FARP2: variants seen among roughly 807,000 people sequenced by gnomAD.
FARP2 encodes the protein FERM, ARHGEF and pleckstrin domain-containing protein 2.
A neutral mutation model predicts 130.5 loss-of-function variants in FARP2; 111 were observed. That is an observed-to-expected ratio of 0.85 (90% CI 0.73 to 1.00). FARP2 has a LOEUF of 1.00. FARP2 is among the 50% of genes least tolerant of loss of function. The probability of loss-of-function intolerance (pLI) is 0.00; values close to 1 mark genes in which losing one functional copy is unlikely to be tolerated. For missense variants in FARP2, 1,385 were observed against 1,346.3 expected (o/e 1.03, Z -0.45); for synonymous variants, 504 against 516.9 (o/e 0.98, Z 0.34).
chr2:241,415,756 G>A (rs1559748717), intron 7 of FARP2, among the ~76,000 whole-genome samples: 1 of 152,318 alleles, frequency 6.6e-6, no homozygotes, highest in African/African-American at 2.4e-5. Context: ...TAGGATAGTG[G>A]CCACAGCCTC....
At chr2:241,379,092 A>G (rs1170801125) in intron 2 of FARP2, among the ~76,000 whole-genome samples, 1 of 152,214 alleles carries the variant, frequency 6.6e-6, no homozygotes, top group African/African-American at 2.4e-5. Flanking sequence ...AAAAGTGTCT[A>G]ACTCCATTGC....
At position 241,417,962 on chromosome 2, in the gene FARP2, G is replaced by A. The variant is rs771633768; in HGVS notation, c.624G>A (p.Val208=). 1.1e-5 allele frequency: 18 copies of A among 1,613,310 alleles called. No homozygotes were observed. In the African/African-American group the frequency reaches 1.6e-4, roughly 14 times the overall value. ...ATGATTCTACCATTTTTTATTACAG[G>A]GGCCAGACACCTGCTGAGTCGGATT... ...EKILEFHQKH[V]GQTPAESDFQ... Residue 208 remains valine, a splice_region_variant and synonymous_variant, in exon 8 of 27, where the codon GTG becomes GTA. Transcript: ENST00000264042.
intron 2 of FARP2, among the ~76,000 whole-genome samples, chr2:241,377,997 C>T (rs1175492192): frequency 1.3e-5 from 2 of 152,218 alleles, no homozygotes; most frequent in Non-Finnish European, 2.9e-5. Flanking sequence ...CCAATTTCTC[C>T]ACATATTTGC....
rs1373449807 is a variant in FARP2, at chr2:241,466,696, C to A, written c.1894-1444C>A. 6.2e-5 allele frequency: 42 copies of A among 676,806 alleles called. 2 individuals are homozygous for A. The highest frequency in any genetic ancestry group is 7.2e-4 in the Middle Eastern group (1 of 1,384). The allele number at this position is 676,806 out of a possible 1,614,324, so 41.9% of individuals were successfully genotyped here. A position where few individuals can be genotyped will look rare whatever the true frequency, so the allele number is the denominator to read the frequency against. ...TTCACTCCCCTTCCAACCACCCCCC[C>A]CCCCACCACCACCACCCGTACCCTC... is the stretch of plus-strand genomic sequence containing the variant. On this transcript the variant is annotated intron_variant, in intron 17 of 26. Coordinates refer to ENST00000264042, the MANE Select transcript of FARP2 (RefSeq NM_014808.4).
chr2:241,367,984 G>A (rs2061350925), intron 1 of FARP2, among the ~76,000 whole-genome samples: 3 of 151,670 alleles, frequency 2.0e-5, no homozygotes, highest in African/African-American at 7.3e-5. Context: ...CATACACACA[G>A]CATCCCCTAC....
chr2:241,364,842 C>G (rs2061268639), intron 1 of FARP2, among the ~76,000 whole-genome samples: 1 of 152,160 alleles, frequency 6.6e-6, no homozygotes, highest in South Asian at 2.1e-4. Context: ...TGCTCTACAT[C>G]CTGAGAGAAA....
intron 1 of FARP2, among the ~76,000 whole-genome samples, chr2:241,364,826 C>G (rs2061268078): frequency 6.6e-6 from 1 of 152,070 alleles, no homozygotes. Flanking sequence ...TTTAATATAT[C>G]TTTTCTGCTC....
Position 241,418,052 on chromosome 2 carries a change from CAG to C in FARP2, c.715_716del (p.Arg239GlyfsTer33). The C allele has an allele frequency of 6.2e-7, 1 of 1,614,142 alleles. No homozygotes were observed. The highest frequency in any genetic ancestry group is 8.5e-7 in the Non-Finnish European group (1 of 1,180,024). Reference protein sequence around the residue: ...YGIRFHMASDREGTKIQLAVS... With the variant: ...YGIRFHMASDXEGTKIQLAVS... ...GCATCAGATTTCACATGGCTTCTGA[CAG>C]GGAAGGAACCAAGATTCAACTGGCA... On this transcript the variant is annotated frameshift_variant, in exon 8 of 27. Coordinates refer to ENST00000264042, the MANE Select transcript of FARP2 (RefSeq NM_014808.4). LOFTEE classifies it high-confidence loss of function.
intron 2 of FARP2, among the ~76,000 whole-genome samples, chr2:241,401,557 G>A (rs1559733563): frequency 6.6e-6 from 1 of 152,028 alleles, no homozygotes; most frequent in Non-Finnish European, 1.5e-5. Flanking sequence ...TGTAGAGACA[G>A]GGTCTCTGTT....
At chr2:241,373,985 G>A (rs1484506096) in intron 2 of FARP2, among the ~76,000 whole-genome samples, 1 of 151,368 alleles carries the variant, frequency 6.6e-6, no homozygotes, top group Non-Finnish European at 1.5e-5. Context: ...CATGTTATTA[G>A]CATGAAAGTT....
chr2:241,480,280 C>G (rs1041728288), intron 19 of FARP2, among the ~76,000 whole-genome samples: 4 of 152,184 alleles, frequency 2.6e-5, no homozygotes, highest in African/African-American at 9.7e-5. Context: ...CCTGATTAAC[C>G]AAGTTCTCCA....
intron 24 of FARP2, chr2:241,492,646 G>A (rs2064963360): frequency 2.8e-6 from 1 of 355,266 alleles, no homozygotes; most frequent in Non-Finnish European, 5.1e-6. Flanking sequence ...CTCTCTTCTG[G>A]CTGTTGGATG....
intron 19 of FARP2, among the ~76,000 whole-genome samples, chr2:241,480,857 C>A (rs971428715): frequency 1.3e-5 from 2 of 152,134 alleles, no homozygotes; most frequent in South Asian, 4.1e-4. Context: ...CAACTTCATT[C>A]TTTTGCATGT....
intron 2 of FARP2, among the ~76,000 whole-genome samples, chr2:241,393,759 GC>G (rs1340709298): frequency 3.3e-5 from 5 of 152,100 alleles, no homozygotes; most frequent in Non-Finnish European, 5.9e-5. Context: ...GGCCTTTGTC[GC>G]CCATTTTCAT....
At chr2:241,429,385 T>C (rs971082711) in intron 8 of FARP2, among the ~76,000 whole-genome samples, 4 of 152,158 alleles carry the variant, frequency 2.6e-5, no homozygotes, top group African/African-American at 9.7e-5. Context: ...TTTGGAAGAT[T>C]ACAGGGCAGT....
intron 8 of FARP2, 107 bp downstream of exon 8, chr2:241,418,216 C>T (rs1574783810): frequency 3.3e-6 from 4 of 1,196,414 alleles, no homozygotes; most frequent in South Asian, 1.4e-5. Context: ...CTGATGAGTA[C>T]GGGCCTCGAT....
intron 12 of FARP2, 78 bp downstream of exon 12, chr2:241,436,616 A>T: frequency 8.9e-7 from 1 of 1,129,654 alleles, no homozygotes; most frequent in African/African-American, 1.5e-5. Context: ...CAGTATTGTA[A>T]CAAGAGTCTT....
intron 12 of FARP2, among the ~76,000 whole-genome samples, chr2:241,438,627 T>TG (rs1373398806): frequency 6.7e-6 from 1 of 149,736 alleles, no homozygotes; most frequent in Admixed American, 6.6e-5. Context: ...TCTGGTTTTT[T>TG]TTTTTTGTTT....
intron 21 of FARP2, among the ~76,000 whole-genome samples, chr2:241,487,063 C>A (rs770298567): frequency 6.6e-6 from 1 of 152,234 alleles, no homozygotes; most frequent in Non-Finnish European, 1.5e-5. Context: ...GCTGGTCACT[C>A]TGGTCTCCAT....
Sources: gnomAD v4.1 joint callset for allele counts (sites outside exome capture counted in the v4.1 genomes callset) on GRCh38, gnomAD v4.1.1 for gene constraint, MANE v1.5 for transcripts, NCBI Gene and HGNC (gene_info 2026-07-23, HGNC 2026-07-21) for gene names.